The following FOXJ3 variants were observed in gnomAD, a reference collection of about 807,000 sequenced individuals.
FOXJ3 encodes forkhead box protein J3.
Under a neutral mutation model 76.1 loss-of-function variants are expected in FOXJ3, and 22 were observed. The observed-to-expected ratio is 0.29, with a 90% CI of 0.21 to 0.41. FOXJ3 has a LOEUF of 0.41. Among genes scored for constraint, FOXJ3 ranks in the 10% least tolerant of loss-of-function variants. FOXJ3 has a pLI of 1.00. For synonymous variants in FOXJ3, 269 were observed against 261.2 expected (o/e 1.03, Z -0.29); for missense variants, 613 against 762.1 (o/e 0.80, Z 2.30).
chr1:42,266,327 T>G (rs1288758348), intron 3 of FOXJ3, among the ~76,000 whole-genome samples: 1 of 151,836 alleles, frequency 6.6e-6, no homozygotes, highest in Non-Finnish European at 1.5e-5. Context: ...AGAATGATGC[T>G]CTCTCCCAAA....
chr1:42,192,108 G>C (rs577955702), intron 8 of FOXJ3, among the ~76,000 whole-genome samples: 5 of 152,170 alleles, frequency 3.3e-5, no homozygotes, highest in Non-Finnish European at 5.9e-5. Flanking sequence ...GGAAAGGTGT[G>C]GGGGTCACAC....
At chr1:42,322,111 G>A (rs1181387353) in intron 1 of FOXJ3, among the ~76,000 whole-genome samples, 1 of 152,102 alleles carries the variant, frequency 6.6e-6, no homozygotes, top group African/African-American at 2.4e-5. Flanking sequence ...ATTTGGTACA[G>A]ATAGAGACGT....
intron 4 of FOXJ3, among the ~76,000 whole-genome samples, chr1:42,240,803 T>C (rs1649075912): frequency 6.6e-6 from 1 of 152,224 alleles, no homozygotes; most frequent in Admixed American, 6.5e-5. Context: ...TAGGAAATCT[T>C]TTCTTAGCTA....
intron 2 of FOXJ3, among the ~76,000 whole-genome samples, chr1:42,281,427 CT>C (rs1652704852): frequency 1.3e-5 from 2 of 152,016 alleles, no homozygotes; most frequent in South Asian, 4.1e-4. Context: ...AGCTGAAGAA[CT>C]TCAGCTAAGT....
rs1384629929 is a variant in FOXJ3 at position 42,188,862 on chromosome 1, T to C, written c.1520A>G (p.Asp507Gly). ...GAACTGATTAAGAGAAGAACAAAGA[T>C]CGGCAAACTGAACCTGGTCTAAAGA... ...NWSLDQVQFADLCSSLNQFFT... is the reference protein window; with the variant it reads ...NWSLDQVQFAGLCSSLNQFFT... The change falls in exon 11 of 13, where the codon GAT (aspartate) becomes GGT (glycine). Residue 507 changes from aspartate (D) to glycine (G), a missense_variant. Asp to Gly is a moderately conservative substitution (Grantham distance 94, BLOSUM62 -1). Transcript: ENST00000361346. The C allele has an allele frequency of 6.2e-7, 1 of 1,613,310 alleles. No homozygotes were observed. Among genetic ancestry groups the C allele is most frequent in the Non-Finnish European group, 8.5e-7 (1 of 1,179,500 alleles).
chr1:42,259,398 T>C (rs555893184), intron 4 of FOXJ3, among the ~76,000 whole-genome samples: 2 of 152,304 alleles, frequency 1.3e-5, no homozygotes, highest in East Asian at 1.9e-4. Flanking sequence ...CTAGGTATAA[T>C]GTTATTTTTT....
At chr1:42,305,849 T>C (rs1654426838) in intron 2 of FOXJ3, among the ~76,000 whole-genome samples, 1 of 152,300 alleles carries the variant, frequency 6.6e-6, no homozygotes, top group African/African-American at 2.4e-5. Flanking sequence ...CATTTTTAAA[T>C]AACTAAAAGA....
At position 42,265,125 on chromosome 1, in the gene FOXJ3, T is replaced by C; in HGVS notation, c.434A>G (p.Asp145Gly). 6.3e-7 allele frequency: 1 copy of C among 1,576,070 alleles called. No homozygotes were observed. The highest frequency in any genetic ancestry group is 8.7e-7 in the Non-Finnish European group (1 of 1,146,238). ...CFLKVPRSKD[D>G]PGKGSYWAID... ...GAAGATGAATCCTACCTTTCCAGGG[T>C]CATCCTTAGATCGAGGCACTTTAAG... Residue 145 changes from aspartate (D) to glycine (G), a missense_variant, in exon 4 of 13, where the codon GAC becomes GGC. Asp to Gly is a moderately conservative substitution (Grantham distance 94). Around this residue, in one of 3 missense-constraint regions of FOXJ3, gnomAD observed 526 missense variants for 601.4 expected, o/e 0.87. Coordinates refer to ENST00000361346, the MANE Select transcript of FOXJ3 (RefSeq NM_014947.5).
chr1:42,263,721 A>C (rs1570096782), intron 4 of FOXJ3, among the ~76,000 whole-genome samples: 3 of 152,242 alleles, frequency 2.0e-5, no homozygotes, highest in East Asian at 1.9e-4. Flanking sequence ...TTCATCTCTA[A>C]CTTCAAGAAG....
intron 8 of FOXJ3, among the ~76,000 whole-genome samples, chr1:42,192,632 T>A (rs1001963281): frequency 2.6e-5 from 4 of 152,228 alleles, no homozygotes; most frequent in African/African-American, 9.6e-5. Context: ...GGATAATTTA[T>A]GTTTGTTCTC....
At chr1:42,244,978 G>A (rs1398003186) in intron 4 of FOXJ3, among the ~76,000 whole-genome samples, 2 of 152,050 alleles carry the variant, frequency 1.3e-5, no homozygotes, top group African/African-American at 4.8e-5. Context: ...TCAGGAGTTC[G>A]AGACCAGCCT....
intron 2 of FOXJ3, among the ~76,000 whole-genome samples, chr1:42,296,532 T>A (rs2124719542): frequency 6.6e-6 from 1 of 152,362 alleles, no homozygotes; most frequent in East Asian, 1.9e-4. Flanking sequence ...CTAGCCAATA[T>A]CCCAGCACCA....
intron 6 of FOXJ3, among the ~76,000 whole-genome samples, chr1:42,200,179 C>A (rs1398652479): frequency 6.6e-6 from 1 of 152,118 alleles, no homozygotes; most frequent in Non-Finnish European, 1.5e-5. Context: ...ACTCTAGAAG[C>A]TCATGTACTC....
At chr1:42,183,431 A>C (rs1646371039) in intron 11 of FOXJ3, among the ~76,000 whole-genome samples, 1 of 150,138 alleles carries the variant, frequency 6.7e-6, no homozygotes, top group South Asian at 2.1e-4. Context: ...GAAGGTTCTT[A>C]ATATATTTTC....
At chr1:42,246,217 G>A (rs1000361931) in intron 4 of FOXJ3, among the ~76,000 whole-genome samples, 4 of 152,122 alleles carry the variant, frequency 2.6e-5, no homozygotes, top group South Asian at 4.1e-4. Flanking sequence ...ACGGAGTGAG[G>A]AGACAATCTG....
intron 1 of FOXJ3, among the ~76,000 whole-genome samples, chr1:42,322,134 A>G (rs2487585): frequency 0.74 from 112,149 of 151,928 alleles, 41,551 homozygotes; most frequent in Admixed American, 0.81. Flanking sequence ...AGGGCCAAAG[A>G]GGTCAAATTA....
At chr1:42,257,824 T>C (rs1172029871) in intron 4 of FOXJ3, among the ~76,000 whole-genome samples, 2 of 152,078 alleles carry the variant, frequency 1.3e-5, no homozygotes, top group African/African-American at 4.8e-5. Flanking sequence ...GTTATTCCCA[T>C]CATTAAAAAG....
At chr1:42,225,612 T>C (rs935953075) in intron 5 of FOXJ3, among the ~76,000 whole-genome samples, 2 of 152,216 alleles carry the variant, frequency 1.3e-5, no homozygotes, top group African/African-American at 4.8e-5. Context: ...TAGGCCAAAA[T>C]GAATATCAGT....
intron 4 of FOXJ3, among the ~76,000 whole-genome samples, chr1:42,258,424 A>G (rs529488942): frequency 6.6e-6 from 1 of 152,300 alleles, no homozygotes; most frequent in East Asian, 1.9e-4. Flanking sequence ...CACCACTTTC[A>G]TTCTCAGAAG....
Sources: gnomAD v4.1 joint callset for allele counts (sites outside exome capture counted in the v4.1 genomes callset) on GRCh38, gnomAD v4.1.1 for gene constraint, gnomAD v4.1.1 regional missense constraint, MANE v1.5 for transcripts, NCBI Gene and HGNC (gene_info 2026-07-23, HGNC 2026-07-21) for gene names.